The following ICA1L variants were observed in gnomAD, a reference collection of about 807,000 sequenced individuals.
ICA1L encodes the protein islet cell autoantigen 1-like protein.
ICA1L carries 50 observed loss-of-function variants against 61.3 expected under a neutral mutation model. The observed-to-expected ratio is 0.82, with a 90% confidence interval of 0.65 to 1.03. The LOEUF is 1.03. Ranked by LOEUF, ICA1L falls within the 50% of genes least tolerant of loss-of-function variation. The pLI is 0.00. For missense variants in ICA1L, 508 were observed against 556.7 expected, an observed-to-expected ratio of 0.91 and a Z score of 0.88; for synonymous variants, 161 against 191.3, an observed-to-expected ratio of 0.84 and a Z score of 1.31.
At chr2:202,843,971 G>GT (rs796119503) in intron 1 of ICA1L, among the ~76,000 whole-genome samples, 5 of 152,020 alleles carry the variant, frequency 3.3e-5, no homozygotes, top group African/African-American at 1.2e-4. Flanking sequence ...CAATGAATGT[G>GT]TTTTTTTTCC....
intron 1 of ICA1L, 89 bp from the exon 2 acceptor site, chr2:202,829,105 T>G (rs1693937581): frequency 9.0e-7 from 1 of 1,108,208 alleles, no homozygotes. Context: ...TTCCACAACT[T>G]TGGGAGGCTG....
chr2:202,869,096 A>T (rs1687613709), intron 1 of ICA1L, among the ~76,000 whole-genome samples: 2 of 152,144 alleles, frequency 1.3e-5, no homozygotes, highest in African/African-American at 4.8e-5. Context: ...GTGGTGGCTC[A>T]CGCCTGTAAT....
At chr2:202,838,142 T>C (rs1325786053) in intron 1 of ICA1L, among the ~76,000 whole-genome samples, 1 of 152,200 alleles carries the variant, frequency 6.6e-6, no homozygotes, top group Non-Finnish European at 1.5e-5. Context: ...GTGTAGCCAC[T>C]GTTCCCAGCA....
At chr2:202,861,226 C>CAAAATAAA (rs1235911587) in intron 1 of ICA1L, among the ~76,000 whole-genome samples, 1 of 150,514 alleles carries the variant, frequency 6.6e-6, no homozygotes, top group East Asian at 2.0e-4. Flanking sequence ...GACTCCATTT[C>CAAAATAAA]AAAATAAAAA....
At chr2:202,814,675 T>A (rs771934602) in intron 8 of ICA1L, 27 bp downstream of exon 8, 9 of 1,496,318 alleles carry the variant, frequency 6.0e-6, no homozygotes, top group Non-Finnish European at 8.4e-6. Context: ...TTCTATAACA[T>A]GACACAGATG....
intron 8 of ICA1L, 67 bp downstream of exon 8, chr2:202,814,635 C>T: frequency 2.0e-6 from 2 of 1,005,976 alleles, no homozygotes; most frequent in Non-Finnish European, 3.1e-6. Context: ...ACAATTCTTT[C>T]CACATATATC....
At position 202,803,221 on chromosome 2, in the gene ICA1L, A is replaced by G. The variant is rs1264138490; in HGVS notation, c.911-6257T>C. On this transcript the variant is annotated intron_variant, in intron 9 of 12. Coordinates refer to ENST00000358299, the MANE Select transcript of ICA1L (RefSeq NM_001288622.3). ...TCAGGAGTTCGAGACCAGCCTGGCC[A>G]ACATGGCCAGACCCCATCACTACTA... Among the ~76,000 whole-genome samples, 6 of 152,096 alleles carry G rather than the reference A, an allele frequency of 3.9e-5. No homozygotes were observed. In the East Asian group the frequency reaches 1.2e-3, roughly 30 times the overall value.
chr2:202,778,012 C>G lies in ICA1L; in HGVS notation c.*1521G>C, dbSNP rs1169001894. ...TCTCCTGCCTCAGCCTCCGGAGTAG[C>G]TGGGACTACAGGCACGTGCCACCAC... On this transcript the variant is annotated 3_prime_UTR_variant, in exon 13 of 13. Transcript: ENST00000358299. The G allele has an allele frequency of 2.0e-5, 3 of 151,764 alleles. No individual in the cohort carries two copies. The highest frequency in any genetic ancestry group is 7.3e-5 in the African/African-American group (3 of 41,210). The allele number at this position is 151,764 out of a possible 1,614,324, so 9.4% of individuals were successfully genotyped here. A position where few individuals can be genotyped will look rare whatever the true frequency, so the allele number is the denominator to read the frequency against.
At chr2:202,829,458 A>AT (rs924773166) in intron 1 of ICA1L, among the ~76,000 whole-genome samples, 58 of 151,682 alleles carry the variant, frequency 3.8e-4, no homozygotes, top group Non-Finnish European at 6.5e-4. Context: ...ACTAAATGTA[A>AT]TTTTTTTTTA....
At position 202,779,130 on chromosome 2, in the gene ICA1L, T is replaced by TATCTA. The variant is rs1309202116; in HGVS notation, c.*398_*402dup. The TATCTA allele has an allele frequency of 6.4e-6, 1 of 156,258 alleles. No individual in the cohort carries two copies. The highest frequency in any genetic ancestry group is 2.4e-5 in the African/African-American group (1 of 41,224). 9.7% of individuals were successfully genotyped at this position (156,258 alleles called of 1,614,324 possible). A position where few individuals can be genotyped will look rare whatever the true frequency, so the allele number is the denominator to read the frequency against. On this transcript the variant is annotated 3_prime_UTR_variant, in exon 13 of 13. Transcript: ENST00000358299. ...ACCACAACCCAATTTACATGCTATC[T>TATCTA]ATCTATCTTTGTTATCCACATATAA...
chr2:202,825,545 G>A lies in ICA1L; in HGVS notation c.235+150C>T, dbSNP rs1044616995. On this transcript the variant is annotated intron_variant, in intron 3 of 12. Coordinates refer to ENST00000358299, the MANE Select transcript of ICA1L (RefSeq NM_001288622.3). ...AACTGAGGAAAGAAGAGAGAATACT[G>A]GGGCCTTTGAGAACAGGTAACTGTA... is the stretch of plus-strand genomic sequence containing the variant. The A allele has an allele frequency of 2.2e-6, 3 of 1,356,908 alleles. No individual in the cohort carries two copies. The Admixed American group carries it at 1.0e-4, about 46-fold the overall frequency. The allele number at this position is 1,356,908 out of a possible 1,614,324, so 84.1% of individuals were successfully genotyped here. A position where few individuals can be genotyped will look rare whatever the true frequency, so the allele number is the denominator to read the frequency against.
At chr2:202,824,473 G>A (rs1213346499) in intron 3 of ICA1L, among the ~76,000 whole-genome samples, 1 of 152,046 alleles carries the variant, frequency 6.6e-6, no homozygotes, top group East Asian at 1.9e-4. Flanking sequence ...AAAATATACA[G>A]AATGTTGAAT....
rs576557948 is a variant in ICA1L, at chr2:202,788,168, C to T, written c.1243+662G>A. 4.6e-5 allele frequency among the ~76,000 whole-genome samples: 7 copies of T among 152,280 alleles called. No individual in the cohort carries two copies. In the South Asian group the frequency reaches 1.5e-3, roughly 32 times the overall value. The stretch of plus-strand genomic sequence containing the variant: ...TAAAATGTAAGCCAGGTGCTGACAT[C>T]AGAATCTGCTGCTTGAAGAGAGAAT... On this transcript the variant is annotated intron_variant, in intron 11 of 12. Coordinates refer to ENST00000358299, the MANE Select transcript of ICA1L (RefSeq NM_001288622.3).
intron 10 of ICA1L, among the ~76,000 whole-genome samples, chr2:202,793,821 T>TA (rs1692833418): frequency 6.6e-6 from 1 of 151,306 alleles, no homozygotes; most frequent in African/African-American, 2.4e-5. Context: ...ACCCCATCTC[T>TA]ACTAAAAATA....
intron 4 of ICA1L, chr2:202,820,158 G>T (rs1574352779): frequency 2.5e-6 from 1 of 397,830 alleles, no homozygotes. Context: ...CAGATCGCCT[G>T]AGGTCAGGAG....
chr2:202,850,866 A>C (rs1220200372), intron 1 of ICA1L, among the ~76,000 whole-genome samples: 1 of 152,170 alleles, frequency 6.6e-6, no homozygotes, highest in Non-Finnish European at 1.5e-5. Context: ...AACGAAGGAA[A>C]AAATGTTAAG....
At chr2:202,829,893 C>A (rs1465530357) in intron 1 of ICA1L, among the ~76,000 whole-genome samples, 3 of 151,976 alleles carry the variant, frequency 2.0e-5, no homozygotes, top group Admixed American at 2.0e-4. Context: ...AGTATCAGTT[C>A]CTTAGGAAAA....
chr2:202,782,277 G>A (rs1002594596), intron 12 of ICA1L, among the ~76,000 whole-genome samples: 3 of 151,866 alleles, frequency 2.0e-5, no homozygotes, highest in South Asian at 2.1e-4. Context: ...CCCGGGAGGC[G>A]GAGGTTACAG....
chr2:202,823,530 T>G (rs1276163573), intron 3 of ICA1L, among the ~76,000 whole-genome samples: 1 of 152,180 alleles, frequency 6.6e-6, no homozygotes, highest in Non-Finnish European at 1.5e-5. Flanking sequence ...TGTGATATAT[T>G]TTACCAAGCA....
Sources: gnomAD v4.1 joint callset for allele counts (sites outside exome capture counted in the v4.1 genomes callset) on GRCh38, gnomAD v4.1.1 for gene constraint, MANE v1.5 for transcripts, NCBI Gene and HGNC (gene_info 2026-07-23, HGNC 2026-07-21) for gene names.